HMCN1: variants seen among roughly 807,000 people sequenced by gnomAD.
HMCN1 encodes hemicentin-1.
Under a neutral mutation model 625.9 loss-of-function variants are expected in HMCN1, and 321 were observed. The observed-to-expected ratio is 0.51, with a 90% CI of 0.47 to 0.56. The LOEUF is 0.56. Ranked by LOEUF, HMCN1 falls within the 20% of genes least tolerant of loss-of-function variation. The probability of loss-of-function intolerance (pLI) is 0.00; values close to 1 mark genes in which losing one functional copy is unlikely to be tolerated. For missense variants in HMCN1, 6,588 were observed against 6,887.3 expected (o/e 0.96, Z 1.54); for synonymous variants, 2,425 against 2,417.6 (o/e 1.00, Z -0.09).
At chr1:186,126,583 TGAAG>T (rs1661657214) in intron 82 of HMCN1, among the ~76,000 whole-genome samples, 1 of 151,902 alleles carries the variant, frequency 6.6e-6, no homozygotes, top group African/African-American at 2.4e-5. Context: ...GAGCAAAACT[TGAAG>T]GAAGTGAATT....
At chr1:186,047,414 G>A (rs1037387239) in intron 41 of HMCN1, among the ~76,000 whole-genome samples, 6 of 152,254 alleles carry the variant, frequency 3.9e-5, no homozygotes, top group Admixed American at 3.3e-4. Flanking sequence ...ACAGAAGTTC[G>A]TCACGTTGAG....
chr1:186,180,286 A>G, intron 104 of HMCN1, among the ~76,000 whole-genome samples: 1 of 152,166 alleles, frequency 6.6e-6, no homozygotes, highest in East Asian at 1.9e-4. Context: ...AACATCTGAT[A>G]TTTTGTCTTT....
chr1:186,017,065 C>A lies in HMCN1; in HGVS notation c.5294C>A (p.Thr1765Asn), dbSNP rs774365768. 6.4e-7 allele frequency: 1 copy of A among 1,570,864 alleles called. No homozygotes were observed. The highest frequency in any genetic ancestry group is 8.8e-7 in the Non-Finnish European group (1 of 1,140,762). ...DCHVTGSPPP[T>N]IMWLKDGQLI... Reference sequence around the variant, plus strand: ...CATGTGACAGGCTCTCCCCCACCAACTATCATGTAAGGGTTTTGGTATGTC... The same window carrying A: ...CATGTGACAGGCTCTCCCCCACCAAATATCATGTAAGGGTTTTGGTATGTC... The change falls in exon 33 of 107, where the codon ACT becomes AAT. Residue 1765 changes from threonine to asparagine, a missense_variant. Transcript: ENST00000271588.
At chr1:186,163,339 T>A (rs1651646723) in intron 97 of HMCN1, among the ~76,000 whole-genome samples, 2 of 152,320 alleles carry the variant, frequency 1.3e-5, no homozygotes, top group Admixed American at 1.3e-4. Flanking sequence ...GAACGGGAAC[T>A]CCCTGACCTC....
At chr1:186,072,349 T>A (rs1315683729) in intron 52 of HMCN1, among the ~76,000 whole-genome samples, 1 of 152,162 alleles carries the variant, frequency 6.6e-6, no homozygotes, top group Non-Finnish European at 1.5e-5. Flanking sequence ...AGCAAAAAAA[T>A]TTAAATTATG....
chr1:185,841,850 A>G (rs1046836729), intron 1 of HMCN1, among the ~76,000 whole-genome samples: 1 of 152,194 alleles, frequency 6.6e-6, no homozygotes, highest in Non-Finnish European at 1.5e-5. Context: ...GTGGATCAGC[A>G]TGTGTTTTAG....
chr1:186,081,505 G>A (rs1353993214), intron 56 of HMCN1, 111 bp downstream of exon 56: 1 of 765,986 alleles, frequency 1.3e-6, no homozygotes, highest in African/African-American at 1.8e-5. Flanking sequence ...TATTATATTT[G>A]TAAAAATAAC....
At chr1:186,157,473 T>C (rs985962749) in intron 97 of HMCN1, among the ~76,000 whole-genome samples, 1 of 152,218 alleles carries the variant, frequency 6.6e-6, no homozygotes, top group Non-Finnish European at 1.5e-5. Context: ...ATGATTATTT[T>C]GGGAACATTA....
intron 42 of HMCN1, among the ~76,000 whole-genome samples, chr1:186,050,495 C>A (rs1656879236): frequency 6.6e-6 from 1 of 151,396 alleles, no homozygotes; most frequent in Admixed American, 6.6e-5. Context: ...AGAGGAAAAC[C>A]CAGTAAAAAA....
At chr1:185,941,960 G>C (rs1481926856) in intron 11 of HMCN1, among the ~76,000 whole-genome samples, 1 of 152,022 alleles carries the variant, frequency 6.6e-6, no homozygotes, top group Non-Finnish European at 1.5e-5. Context: ...TGGGAGGCAA[G>C]ATGGGCAGAT....
chr1:185,883,724 T>A (rs1664449747), intron 4 of HMCN1, among the ~76,000 whole-genome samples: 1 of 151,968 alleles, frequency 6.6e-6, no homozygotes, highest in Non-Finnish European at 1.5e-5. Context: ...TGGTTCCTTG[T>A]GCATTTTCAA....
chr1:185,870,832 A>G (rs1244245277), intron 4 of HMCN1, among the ~76,000 whole-genome samples: 1 of 152,160 alleles, frequency 6.6e-6, no homozygotes, highest in Non-Finnish European at 1.5e-5. Context: ...CTCTATAACA[A>G]TAGAACCAGG....
Position 186,136,676 on chromosome 1 carries a change from A to T in HMCN1, c.13321A>T (p.Ile4441Phe). The part of the protein sequence containing the change: ...SMSLTLQSPP[I>F]ITLEPVETVI... ...TGTGCTTTTTTCCGTAGGTCCTCCT[A>T]TTATCACTCTTGAGCCAGTGGAAAC... The change falls in exon 87 of 107, where the codon ATT (isoleucine) becomes TTT (phenylalanine). Residue 4441 changes from isoleucine (I) to phenylalanine (F), a missense_variant. Physicochemically the swap from Ile to Phe is conservative, Grantham distance 21. This residue lies in a region of HMCN1 where 1,954 missense variants were observed against 2,013.1 expected (regional missense o/e 0.97). Transcript: ENST00000271588. The T allele has an allele frequency of 6.2e-7, 1 of 1,613,902 alleles. No individual in the cohort carries two copies. Among genetic ancestry groups the T allele is most frequent in the Non-Finnish European group, 8.5e-7 (1 of 1,179,842 alleles).
At chr1:186,150,444 T>A (rs1571422726) in intron 93 of HMCN1, among the ~76,000 whole-genome samples, 1 of 152,148 alleles carries the variant, frequency 6.6e-6, no homozygotes, top group East Asian at 1.9e-4. Flanking sequence ...TTTATAATTG[T>A]TTTGCAACCA....
rs372591014 is a variant in HMCN1 at position 186,062,532 on chromosome 1, G to A, written c.7445G>A (p.Gly2482Asp). The A allele has an allele frequency of 1.9e-6, 3 of 1,610,348 alleles. No individual in the cohort carries two copies. The highest frequency in any genetic ancestry group is 2.7e-5 in the African/African-American group (2 of 74,808). Residue 2482 changes from glycine (G) to aspartate (D), a missense_variant, in exon 48 of 107, where the codon GGT becomes GAT. Gly to Asp is a moderately conservative substitution (Grantham distance 94). Around this residue, in one of 3 missense-constraint regions of HMCN1, gnomAD observed 4,628 missense variants for 4,853.1 expected, o/e 0.95. Transcript: ENST00000271588. The part of the protein sequence containing the change: ...LSVLVPPHIV[G>D]ENTLEDVKVK... ...TTTTTAGTACCACCTCATATTGTGG[G>A]TGAAAATACATTGGAAGATGTGAAG...
At chr1:185,989,770 CTATT>C in intron 21 of HMCN1, 123 bp downstream of exon 21, 4 of 527,948 alleles carry the variant, frequency 7.6e-6, no homozygotes, top group Non-Finnish European at 1.2e-5. Flanking sequence ...CCCCAGATTT[CTATT>C]TTTTTTTTTT....
chr1:186,153,637 GT>G (rs1376439791), intron 96 of HMCN1, 112 bp from the exon 97 acceptor site: 1 of 860,868 alleles, frequency 1.2e-6, no homozygotes, highest in Non-Finnish European at 2.0e-6. Context: ...CATGATGTGT[GT>G]TTTTTAGCTC....
At position 186,048,816 on chromosome 1, in the gene HMCN1, A is replaced by G. The variant is rs1441111552; in HGVS notation, c.6554A>G (p.Lys2185Arg). 4 of 1,610,002 alleles carry G rather than the reference A, an allele frequency of 2.5e-6. No homozygotes were observed. Among genetic ancestry groups the G allele is most frequent in the Non-Finnish European group, 3.4e-6 (4 of 1,176,972 alleles). The change falls in exon 42 of 107, where the codon AAA (lysine) becomes AGA (arginine). Residue 2185 changes from lysine to arginine, a missense_variant. This residue lies in a region of HMCN1 where 4,628 missense variants were observed against 4,853.1 expected (regional missense o/e 0.95). Coordinates refer to ENST00000271588, the MANE Select transcript of HMCN1 (RefSeq NM_031935.3). ...ACAAATGTTGCTGGAAAAACTGAAA[A>G]AAACTACAATGTCAACATTTGGGGT... ...EATNVAGKTEKNYNVNIWVPP... is the reference protein window; with the variant it reads ...EATNVAGKTERNYNVNIWVPP...
intron 1 of HMCN1, among the ~76,000 whole-genome samples, chr1:185,761,116 G>T (rs889972215): frequency 6.6e-6 from 1 of 152,138 alleles, no homozygotes; most frequent in Admixed American, 6.6e-5. Flanking sequence ...AGACTTGGGG[G>T]AAGGGGCAGA....
Sources: gnomAD v4.1 joint callset for allele counts (sites outside exome capture counted in the v4.1 genomes callset) on GRCh38, gnomAD v4.1.1 for gene constraint, gnomAD v4.1.1 regional missense constraint, MANE v1.5 for transcripts, NCBI Gene and HGNC (gene_info 2026-07-23, HGNC 2026-07-21) for gene names.